The following ERC1 variants were observed in gnomAD, a reference collection of about 807,000 sequenced individuals.
ERC1 encodes the protein ELKS/RAB6-interacting/CAST family member 1, also known as RAB6 interacting protein 2.
In ERC1, 56 loss-of-function variants were observed where a neutral mutation model predicts 132.0. The observed-to-expected ratio is 0.42, with a 90% CI of 0.34 to 0.53. The LOEUF is 0.53. Among genes scored for constraint, ERC1 ranks in the 20% least tolerant of loss-of-function variants. The probability of loss-of-function intolerance (pLI) is 0.03; values close to 1 mark genes in which losing one functional copy is unlikely to be tolerated. For synonymous variants in ERC1, 478 were observed against 476.1 expected (o/e 1.00, Z -0.05); for missense variants, 1,202 against 1,349.9 (o/e 0.89, Z 1.72).
chr12:1,481,814 T>C (rs1025554697), intron 18 of ERC1, among the ~76,000 whole-genome samples: 7 of 152,186 alleles, frequency 4.6e-5, no homozygotes, highest in South Asian at 2.1e-4. Flanking sequence ...TTTCTTGTTA[T>C]ACTTCCTCCT....
intron 15 of ERC1, among the ~76,000 whole-genome samples, chr12:1,310,893 C>T (rs759711963): frequency 9.2e-5 from 14 of 152,374 alleles, no homozygotes; most frequent in African/African-American, 1.9e-4. Context: ...CTTCTTACTG[C>T]GTGGCAGAGA....
chr12:1,392,151 G>A (rs11061741), intron 16 of ERC1, among the ~76,000 whole-genome samples: 12 of 152,082 alleles, frequency 7.9e-5, no homozygotes, highest in African/African-American at 1.9e-4. Context: ...GATGTGTAGC[G>A]AAGGAGCAGG....
At chr12:1,238,402 C>T (rs796704271) in intron 13 of ERC1, among the ~76,000 whole-genome samples, 35 of 152,052 alleles carry the variant, frequency 2.3e-4, no homozygotes, top group African/African-American at 8.2e-4. Flanking sequence ...TTGTTCTGTG[C>T]TTTCATATTT....
intron 12 of ERC1, among the ~76,000 whole-genome samples, chr12:1,195,913 T>C (rs2154279943): frequency 7.0e-6 from 1 of 142,580 alleles, no homozygotes; most frequent in East Asian, 2.4e-4. Context: ...AGCAATCATT[T>C]TGAAAAGAGT....
intron 7 of ERC1, among the ~76,000 whole-genome samples, chr12:1,138,100 T>TTATAATATATATAATACATATTATA (rs1949468384): frequency 1.2e-5 from 1 of 86,586 alleles, no homozygotes; most frequent in South Asian, 2.5e-4. Context: ...ATAATCCATA[T>TTATAATATATATAATACATATTATA]TATAATATAA....
At chr12:1,196,947 CACACACACACACACATAT>C (rs1257784031) in intron 12 of ERC1, among the ~76,000 whole-genome samples, 14 of 37,630 alleles carry the variant, frequency 3.7e-4, no homozygotes, top group South Asian at 2.0e-3. Context: ...CACACACACA[CACACACACACACACATAT>C]ATATATATAT....
intron 7 of ERC1, among the ~76,000 whole-genome samples, chr12:1,131,478 TTGA>T (rs1475283857): frequency 2.0e-5 from 3 of 152,318 alleles, no homozygotes; most frequent in East Asian, 3.9e-4. Flanking sequence ...TTTTTTTTAA[TTGA>T]GGCAGAGTCT....
chr12:1,318,466 C>T (rs1384472625), intron 15 of ERC1, among the ~76,000 whole-genome samples: 1 of 152,200 alleles, frequency 6.6e-6, no homozygotes, highest in East Asian at 1.9e-4. Flanking sequence ...AATTGGCAAG[C>T]TCAAACTGTT....
At chr12:1,295,376 G>A (rs2079838781) in intron 15 of ERC1, among the ~76,000 whole-genome samples, 1 of 152,158 alleles carries the variant, frequency 6.6e-6, no homozygotes, top group Non-Finnish European at 1.5e-5. Context: ...TACAAGCACA[G>A]TATACTGAGG....
At position 1,007,540 on chromosome 12, in the gene ERC1, C is replaced by CTCTCTCTCTCTGTGTGTG. The variant is rs1555194875; in HGVS notation, c.-157+16219_-157+16220insCTCTCTCTCTGTGTGTGT. Among the ~76,000 whole-genome samples the CTCTCTCTCTCTGTGTGTG allele has an allele frequency of 2.6e-3, 314 of 122,726 alleles. 8 individuals are homozygous for CTCTCTCTCTCTGTGTGTG. The highest frequency in any genetic ancestry group is 6.3e-3 in the African/African-American group (167 of 26,494). 80.5% of individuals were successfully genotyped at this position (122,726 alleles called of 152,430 possible). ...ATTCTCTCTCTCTCTCTCTCTCTCT[C>CTCTCTCTCTCTGTGTGTG]TGTGTGTGTGTGTGTGTGTGTGTGT... On this transcript the variant is annotated intron_variant, in intron 1 of 18. Coordinates refer to ENST00000360905, the MANE Select transcript of ERC1 (RefSeq NM_178040.4).
At position 1,079,731 on chromosome 12, in the gene ERC1, CAG is replaced by C. The variant is rs992337775; in HGVS notation, c.670-3431_670-3430del. 4.9e-4 allele frequency among the ~76,000 whole-genome samples: 65 copies of C among 131,596 alleles called. 10 individuals are homozygous for C. The highest frequency in any genetic ancestry group is 9.7e-4 in the Non-Finnish European group (57 of 58,918). 86.3% of individuals were successfully genotyped at this position (131,596 alleles called of 152,430 possible). A position where few individuals can be genotyped will look rare whatever the true frequency, so the allele number is the denominator to read the frequency against. ...AAAAGTCGATATACAGAGATATAGA[CAG>C]AAATGATTTGTAATATGACAAAAGT... On this transcript the variant is annotated intron_variant, in intron 2 of 18. Transcript: ENST00000360905.
chr12:1,039,725 T>C (rs1458963911), intron 2 of ERC1, among the ~76,000 whole-genome samples: 2 of 152,142 alleles, frequency 1.3e-5, no homozygotes, highest in South Asian at 2.1e-4. Flanking sequence ...CATAAGAATT[T>C]GGAGATAAGA....
chr12:1,127,708 C>G (rs1283066495), intron 7 of ERC1, among the ~76,000 whole-genome samples: 1 of 151,952 alleles, frequency 6.6e-6, no homozygotes, highest in Non-Finnish European at 1.5e-5. Context: ...TAAAAATCAC[C>G]CTCTGTGTTT....
intron 2 of ERC1, among the ~76,000 whole-genome samples, chr12:1,066,591 C>T (rs1939235447): frequency 6.6e-6 from 1 of 152,126 alleles, no homozygotes; most frequent in Non-Finnish European, 1.5e-5. Context: ...AATCCCAGCA[C>T]TTTGGGAGAC....
rs548814882 is a variant in ERC1 at position 1,179,672 on chromosome 12, T to G, written c.1738-868T>G. On this transcript the variant is annotated intron_variant, in intron 8 of 18. Coordinates refer to ENST00000360905, the MANE Select transcript of ERC1 (RefSeq NM_178040.4). Reference sequence around the variant, plus strand: ...ACAGGCGCCCGCCACTACGCCCGGCTAATTTTTTGTATTTTTAGTAGAGAC... The same window carrying G: ...ACAGGCGCCCGCCACTACGCCCGGCGAATTTTTTGTATTTTTAGTAGAGAC... Among the ~76,000 whole-genome samples, 663 of 151,892 alleles carry G rather than the reference T, an allele frequency of 4.4e-3. 3 individuals carry two copies. Among genetic ancestry groups the G allele is most frequent in the African/African-American group, 0.015 (621 of 41,346 alleles).
At chr12:1,263,650 G>A (rs374687646) in intron 14 of ERC1, among the ~76,000 whole-genome samples, 7 of 151,988 alleles carry the variant, frequency 4.6e-5, no homozygotes, top group East Asian at 1.9e-4. Flanking sequence ...GCTTTTAAAC[G>A]GAAAGAAAAA....
chr12:1,148,134 TG>T (rs1290026479), intron 8 of ERC1, among the ~76,000 whole-genome samples: 1 of 152,214 alleles, frequency 6.6e-6, no homozygotes, highest in Non-Finnish European at 1.5e-5. Context: ...ATTCAAAGGT[TG>T]TTTGGAAGTA....
At chr12:1,153,237 G>A (rs571505591) in intron 8 of ERC1, among the ~76,000 whole-genome samples, 5 of 152,344 alleles carry the variant, frequency 3.3e-5, no homozygotes, top group Admixed American at 6.5e-5. Context: ...TACAGTTAAA[G>A]GCTTTTCCCA....
chr12:1,432,760 C>G (rs7316373), intron 17 of ERC1, among the ~76,000 whole-genome samples: 2 of 152,234 alleles, frequency 1.3e-5, no homozygotes, highest in African/African-American at 4.8e-5. Flanking sequence ...AGCCCATGCT[C>G]TTCACCACTG....
Sources: gnomAD v4.1 joint callset for allele counts (sites outside exome capture counted in the v4.1 genomes callset) on GRCh38, gnomAD v4.1.1 for gene constraint, MANE v1.5 for transcripts, NCBI Gene and HGNC (gene_info 2026-07-23, HGNC 2026-07-21) for gene names.